AGBL1: variants seen among roughly 807,000 people sequenced by gnomAD.
The protein encoded by AGBL1 is AGBL carboxypeptidase 1.
Under a neutral mutation model 118.9 loss-of-function variants are expected in AGBL1, and 130 were observed. The observed-to-expected ratio is 1.09, with a 90% CI of 0.95 to 1.26. The LOEUF is 1.26. Ranked by LOEUF, AGBL1 falls within the 50% of genes most tolerant of loss-of-function variation. The probability of loss-of-function intolerance (pLI) is 0.00; values close to 1 mark genes in which losing one functional copy is unlikely to be tolerated. For synonymous variants in AGBL1, 555 were observed against 478.9 expected (o/e 1.16, Z -2.08); for missense variants, 1,584 against 1,298.1 (o/e 1.22, Z -3.38).
intron 16 of AGBL1, among the ~76,000 whole-genome samples, chr15:86,283,656 G>A (rs2079392248): frequency 1.3e-5 from 2 of 152,176 alleles, no homozygotes; most frequent in Non-Finnish European, 2.9e-5. Context: ...TATCGAAGAT[G>A]CAATGAGCAG....
intron 22 of AGBL1, among the ~76,000 whole-genome samples, chr15:86,689,253 C>G (rs779757523): frequency 1.2e-4 from 19 of 152,088 alleles, no homozygotes; most frequent in African/African-American, 1.9e-4. Context: ...GCTTAAATGT[C>G]ATAATCTCAG....
intron 16 of AGBL1, among the ~76,000 whole-genome samples, chr15:86,283,829 C>T (rs997920053): frequency 1.3e-5 from 2 of 152,082 alleles, no homozygotes; most frequent in East Asian, 1.9e-4. Flanking sequence ...TCTTTGACAA[C>T]AAGGACATCT....
intron 23 of AGBL1, among the ~76,000 whole-genome samples, chr15:86,924,211 C>T (rs570178500): frequency 7.9e-5 from 12 of 152,244 alleles, no homozygotes; most frequent in African/African-American, 2.4e-4. Flanking sequence ...GTTTGCATCA[C>T]GATAGATTGG....
chr15:86,128,458 C>G (rs1360636992), intron 1 of AGBL1, among the ~76,000 whole-genome samples: 1 of 152,110 alleles, frequency 6.6e-6, no homozygotes, highest in Non-Finnish European at 1.5e-5. Flanking sequence ...CATGGTAAAA[C>G]TTGGAATTCT....
At chr15:86,384,570 TTATAA>T (rs72186850) in intron 17 of AGBL1, among the ~76,000 whole-genome samples, 49,840 of 151,814 alleles carry the variant, frequency 0.33, 8,825 homozygotes, top group East Asian at 0.74. Flanking sequence ...TCCCAGCATA[TTATAA>T]TATAACAATT....
At chr15:86,655,720 G>A (rs187684956) in intron 21 of AGBL1, among the ~76,000 whole-genome samples, 1 of 152,332 alleles carries the variant, frequency 6.6e-6, no homozygotes, top group Non-Finnish European at 1.5e-5. Flanking sequence ...TGGGAGAAGG[G>A]AAGTCATTGC....
intron 1 of AGBL1, among the ~76,000 whole-genome samples, chr15:86,086,696 T>C (rs1346450142): frequency 6.6e-6 from 1 of 152,212 alleles, no homozygotes; most frequent in East Asian, 1.9e-4. Flanking sequence ...TAACCTACAG[T>C]AACATGGAGG....
chr15:86,337,437 A>G (rs2080390129), intron 17 of AGBL1, among the ~76,000 whole-genome samples: 1 of 152,238 alleles, frequency 6.6e-6, no homozygotes, highest in East Asian at 1.9e-4. Flanking sequence ...TCACAATAGC[A>G]AAGGCATGGA....
chr15:86,548,934 A>G (rs936210630), intron 20 of AGBL1, among the ~76,000 whole-genome samples: 1 of 152,042 alleles, frequency 6.6e-6, no homozygotes, highest in Admixed American at 6.6e-5. Flanking sequence ...GTGAAGGGGG[A>G]GCAGGCACTT....
At chr15:86,612,429 G>A (rs930359809) in intron 21 of AGBL1, among the ~76,000 whole-genome samples, 1 of 148,328 alleles carries the variant, frequency 6.7e-6, no homozygotes, top group Non-Finnish European at 1.5e-5. Context: ...TTCAGGCCAT[G>A]ATGGGGTCGG....
intron 1 of AGBL1, chr15:86,083,286 A>T (rs1895413894): frequency 6.6e-6 from 1 of 152,172 alleles, no homozygotes; most frequent in Non-Finnish European, 1.5e-5. Flanking sequence ...GCGTTGCAGG[A>T]TGTGGGCTCC....
chr15:86,129,128 A>G (rs1411238079), intron 1 of AGBL1, among the ~76,000 whole-genome samples: 2 of 152,246 alleles, frequency 1.3e-5, no homozygotes, highest in African/African-American at 2.4e-5. Flanking sequence ...GTCATTCAAA[A>G]ATGAATATAA....
At chr15:86,354,781 T>C (rs942647449) in intron 17 of AGBL1, among the ~76,000 whole-genome samples, 4 of 152,326 alleles carry the variant, frequency 2.6e-5, no homozygotes, top group South Asian at 2.1e-4. Context: ...GTTACAAATC[T>C]TAAAATAGGG....
chr15:86,583,023 A>C (rs540999827), intron 21 of AGBL1, among the ~76,000 whole-genome samples: 2 of 152,200 alleles, frequency 1.3e-5, no homozygotes, highest in African/African-American at 4.8e-5. Context: ...ACAATAAAAA[A>C]AAGTTATAAT....
At chr15:86,234,409 T>G (rs1432799618) in intron 6 of AGBL1, among the ~76,000 whole-genome samples, 1 of 151,860 alleles carries the variant, frequency 6.6e-6, no homozygotes, top group Non-Finnish European at 1.5e-5. Flanking sequence ...AAATTAGCTG[T>G]GCGTGATGGC....
chr15:86,907,108 C>G lies in AGBL1; in HGVS notation c.3180C>G (p.Ser1060Arg), dbSNP rs1017024828. 1.3e-5 allele frequency: 2 copies of G among 152,276 alleles called. No individual in the cohort carries two copies. Among genetic ancestry groups the G allele is most frequent in the African/African-American group, 4.8e-5 (2 of 41,398 alleles). The allele number at this position is 152,276 out of a possible 1,614,324, so 9.4% of individuals were successfully genotyped here. ...GCAGGTGCAGCAGCAGCAGTGGCAG[C>G]GTCCCTTCGGAACTGGAGGATGAAC... The part of the protein sequence containing the change: ...HLQRCSSSSG[S>R]VPSELEDEPA... Residue 1060 changes from serine to arginine, a missense_variant, in exon 23 of 23, where the codon AGC becomes AGG. Physicochemically the swap from Ser to Arg is moderately radical, Grantham distance 110 (BLOSUM62 -1). Transcript: ENST00000614907.
intron 17 of AGBL1, among the ~76,000 whole-genome samples, chr15:86,310,007 T>A (rs1324332725): frequency 6.6e-6 from 1 of 152,174 alleles, no homozygotes; most frequent in Non-Finnish European, 1.5e-5. Flanking sequence ...AGGACTGGAG[T>A]TAATTCTTTA....
rs567947598 is a variant in AGBL1 at position 86,951,624 on chromosome 15, G to A, written c.3222-36363G>A. Among the ~76,000 whole-genome samples, 83 of 152,266 alleles carry A rather than the reference G, an allele frequency of 5.5e-4. 1 individual carries two copies. The highest frequency in any genetic ancestry group is 9.4e-4 in the Non-Finnish European group (64 of 68,010). On this transcript the variant is annotated intron_variant, in intron 23 of 24. Transcript: ENST00000441037. Reference sequence around the variant, plus strand: ...CACTTGTCTGTGGGATTAGAAGTCAGGAGAGTGGTTATTTGAGAAAAAGAG... The same window carrying A: ...CACTTGTCTGTGGGATTAGAAGTCAAGAGAGTGGTTATTTGAGAAAAAGAG...
intron 18 of AGBL1, among the ~76,000 whole-genome samples, chr15:86,487,892 T>C (rs185218136): frequency 2.2e-4 from 33 of 152,222 alleles, no homozygotes; most frequent in African/African-American, 7.5e-4. Flanking sequence ...AGAACACTGG[T>C]CTGCAGGGCA....
Sources: allele counts gnomAD v4.1 joint callset (sites outside exome capture counted in the v4.1 genomes callset), GRCh38; gene constraint gnomAD v4.1.1; transcripts MANE v1.5; gene names NCBI Gene and HGNC (gene_info 2026-07-23, HGNC 2026-07-21).